The following GSK3A variants were observed in gnomAD, a reference collection of about 807,000 sequenced individuals.
The protein encoded by GSK3A is glycogen synthase kinase-3 alpha.
Under a neutral mutation model 56.6 loss-of-function variants are expected in GSK3A, and 14 were observed. The observed-to-expected ratio is 0.25, with a 90% CI of 0.16 to 0.39. GSK3A has a LOEUF of 0.39. Among genes scored for constraint, GSK3A ranks in the 10% least tolerant of loss-of-function variants. The probability of loss-of-function intolerance (pLI) is 1.00; values close to 1 mark genes in which losing one functional copy is unlikely to be tolerated. For synonymous variants in GSK3A, 301 were observed against 285.0 expected (o/e 1.06, Z -0.56); for missense variants, 450 against 656.0 (o/e 0.69, Z 3.43).
At chr19:42,240,321 C>G (rs1396433398) in intron 1 of GSK3A, 179 bp from the exon 2 acceptor site, 4 of 621,426 alleles carry the variant, frequency 6.4e-6, no homozygotes, top group Non-Finnish European at 8.7e-6. Context: ...TCCCCTCTTC[C>G]TTTCTGGGAA....
At position 42,234,788 on chromosome 19, in the gene GSK3A, C is replaced by T. The variant is rs1320152602; in HGVS notation, c.667-110G>A. 1.7e-6 allele frequency: 2 copies of T among 1,171,362 alleles called. No homozygotes were observed. Among genetic ancestry groups the T allele is most frequent in the Non-Finnish European group, 1.2e-6 (1 of 859,190 alleles). 72.6% of individuals were successfully genotyped at this position (1,171,362 alleles called of 1,614,324 possible). A position where few individuals can be genotyped will look rare whatever the true frequency, so the allele number is the denominator to read the frequency against. ...TTCCAGGCCCACTCTCCCTGCTGCC[C>T]CCACAGCTTTGGGGAAACCCATTTG... On this transcript the variant is annotated intron_variant, in intron 4 of 10. Transcript: ENST00000222330. The surrounding 1 kb of genome is among the most constrained non-coding windows in gnomAD (Gnocchi z 5.7).
In GSK3A at chr19:42,233,123, T is replaced by A. The variant is rs779531784; in HGVS notation, c.1085A>T (p.His362Leu). Residue 362 changes from histidine to leucine, a missense_variant, in exon 8 of 11, where the codon CAC (histidine) becomes CTC (leucine). By Grantham distance (99) the His-to-Leu change is moderately conservative. Coordinates refer to ENST00000222330, the MANE Select transcript of GSK3A (RefSeq NM_019884.3). The stretch of plus-strand genomic sequence containing the variant: ...GCCCTGCCCCACCTTTGTCCAGGGG[T>A]GAGCTTTAATCTGAGGGAACTTGAA... ...TEFKFPQIKA[H>L]PWTKVFKSRT... The A allele has an allele frequency of 1.3e-6, 2 of 1,594,700 alleles. No homozygotes were observed. Among genetic ancestry groups the A allele is most frequent in the Admixed American group, 3.4e-5 (2 of 58,716 alleles).
At position 42,232,755 on chromosome 19, in the gene GSK3A, A is replaced by G. The variant is rs1248493626; in HGVS notation, c.1099-73T>C. The G allele has an allele frequency of 4.7e-6, 6 of 1,267,744 alleles. No homozygotes were observed. In the East Asian group the frequency reaches 7.2e-5, roughly 15 times the overall value. 78.5% of individuals were successfully genotyped at this position (1,267,744 alleles called of 1,614,324 possible). A position where few individuals can be genotyped will look rare whatever the true frequency, so the allele number is the denominator to read the frequency against. ...GGCATACTCCTGTTATCTCACTGCC[A>G]CAGTGCCTGCGGCAAGTTATGACTG... is the stretch of plus-strand genomic sequence containing the variant. On this transcript the variant is annotated intron_variant, in intron 8 of 10. Transcript: ENST00000222330.
Position 42,242,566 on chromosome 19 carries a change from C to G in GSK3A, c.-101G>C, listed in dbSNP as rs1343302660. ...CCCCGGGCCCTGGCCTCTTCCAGGC[C>G]GCGCCGCTCTGGCTTGGGCTCCGGC... On this transcript the variant is annotated 5_prime_UTR_variant, in exon 1 of 11. Coordinates refer to ENST00000222330, the MANE Select transcript of GSK3A (RefSeq NM_019884.3). 5.8e-5 allele frequency: 54 copies of G among 931,864 alleles called. No homozygotes were observed. The highest frequency in any genetic ancestry group is 2.7e-6 in the Non-Finnish European group (2 of 753,020). The allele number at this position is 931,864 out of a possible 1,614,324, so 57.7% of individuals were successfully genotyped here. A position where few individuals can be genotyped will look rare whatever the true frequency, so the allele number is the denominator to read the frequency against.
chr19:42,236,961 T>A lies in GSK3A; in HGVS notation c.472-20A>T. Reference sequence around the variant, plus strand: ...TCGGTTCTTGAGGGCAAAGGGAGAGTCTCAGAATACAACCAACTCTCTCGG... The same window carrying A: ...TCGGTTCTTGAGGGCAAAGGGAGAGACTCAGAATACAACCAACTCTCTCGG... On this transcript the variant is annotated intron_variant, in intron 2 of 10. Transcript: ENST00000222330. The A allele has an allele frequency of 6.5e-7, 1 of 1,549,972 alleles. No homozygotes were observed. Among genetic ancestry groups the A allele is most frequent in the Non-Finnish European group, 8.9e-7 (1 of 1,122,718 alleles).
intron 3 of GSK3A, 45 bp from the exon 4 acceptor site, chr19:42,236,761 A>G: frequency 6.6e-7 from 1 of 1,521,818 alleles, no homozygotes; most frequent in African/African-American, 1.4e-5. Flanking sequence ...GAGAAGAGTG[A>G]GGAGGGGGAA....
At chr19:42,239,086 G>A (rs999942571) in intron 2 of GSK3A, among the ~76,000 whole-genome samples, 7 of 152,128 alleles carry the variant, frequency 4.6e-5, no homozygotes, top group Non-Finnish European at 8.8e-5. Context: ...CTGGGTCCTC[G>A]AACTCTATCT....
intron 4 of GSK3A, among the ~76,000 whole-genome samples, chr19:42,235,673 C>A (rs911748869): frequency 3.3e-5 from 5 of 152,306 alleles, no homozygotes; most frequent in African/African-American, 1.2e-4. Flanking sequence ...TCCTCCATTT[C>A]CAGAATTCCC....
At position 42,234,727 on chromosome 19, in the gene GSK3A, A is replaced by G; in HGVS notation, c.667-49T>C. The G allele has an allele frequency of 6.7e-7, 1 of 1,493,852 alleles. No individual in the cohort carries two copies. The highest frequency in any genetic ancestry group is 9.0e-7 in the Non-Finnish European group (1 of 1,114,558). The allele number at this position is 1,493,852 out of a possible 1,614,324, so 92.5% of individuals were successfully genotyped here. A position where few individuals can be genotyped will look rare whatever the true frequency, so the allele number is the denominator to read the frequency against. ...AACTTTAGCCCAGCTTTCCCCATAC[A>G]GCACCACTACCCCACCAGCTTGGCC... On this transcript the variant is annotated intron_variant, in intron 4 of 10. Transcript: ENST00000222330. This position sits in a 1 kb window ranked among gnomAD's most constrained non-coding sequence, Gnocchi z 5.7.
intron 10 of GSK3A, among the ~76,000 whole-genome samples, chr19:42,231,099 C>T (rs953507766): frequency 2.0e-5 from 3 of 152,304 alleles, no homozygotes; most frequent in Non-Finnish European, 4.4e-5. Flanking sequence ...CAGTGGCTCA[C>T]GCCTGTAATC....
intron 1 of GSK3A, chr19:42,241,429 C>T (rs2036291352): frequency 6.6e-6 from 1 of 152,142 alleles, no homozygotes; most frequent in Non-Finnish European, 1.5e-5. Flanking sequence ...GATCCATATT[C>T]TGTAGGAAAC....
At chr19:42,235,406 C>G (rs1481931082) in intron 4 of GSK3A, among the ~76,000 whole-genome samples, 1 of 152,192 alleles carries the variant, frequency 6.6e-6, no homozygotes, top group African/African-American at 2.4e-5. Flanking sequence ...AGCCTGCCCC[C>G]TCTCCAGCTC....
At chr19:42,239,173 C>A (rs1386297273) in intron 2 of GSK3A, among the ~76,000 whole-genome samples, 2 of 152,156 alleles carry the variant, frequency 1.3e-5, no homozygotes, top group Non-Finnish European at 2.9e-5. Context: ...ATTCTCTATT[C>A]CTCAGTGAGG....
intron 4 of GSK3A, among the ~76,000 whole-genome samples, chr19:42,235,838 G>A (rs748342363): frequency 1.1e-4 from 17 of 152,178 alleles, no homozygotes; most frequent in African/African-American, 2.4e-4. Flanking sequence ...CCGTATGCAG[G>A]CAGCCACAGG....
At chr19:42,231,830 C>G (rs1433637857) in intron 10 of GSK3A, among the ~76,000 whole-genome samples, 1 of 151,968 alleles carries the variant, frequency 6.6e-6, no homozygotes, top group African/African-American at 2.4e-5. Flanking sequence ...GTGTTCAGGC[C>G]AGACGTTATT....
chr19:42,240,056 C>G lies in GSK3A; in HGVS notation c.370G>C (p.Val124Leu). 6.2e-7 allele frequency: 1 copy of G among 1,614,196 alleles called. No individual in the cohort carries two copies. The change falls in exon 2 of 11, where the codon GTG (valine) becomes CTG (leucine). Residue 124 changes from valine to leucine, a missense_variant. Val to Leu is a conservative substitution (Grantham distance 32). Transcript: ENST00000222330. Reference protein sequence around the residue: ...SQEVAYTDIKVIGNGSFGVVY... With the variant: ...SQEVAYTDIKLIGNGSFGVVY... ...ACCCCAAATGAGCCATTGCCAATCA[C>G]TTTGATGTCCGTGTAAGCCACTTCT...
At position 42,236,729 on chromosome 19, in the gene GSK3A, A is replaced by T; in HGVS notation, c.556-13T>A. ...AAAGCTCGTCTTTCTGCAGGGAGCA[A>T]AGGAGAGGTGTGAGGCACTGTGAGA... On this transcript the variant is annotated splice_polypyrimidine_tract_variant and intron_variant, in intron 3 of 10. Transcript: ENST00000222330. 6.3e-7 allele frequency: 1 copy of T among 1,594,838 alleles called. No homozygotes were observed. Among genetic ancestry groups the T allele is most frequent in the Non-Finnish European group, 8.6e-7 (1 of 1,162,478 alleles).
chr19:42,236,215 C>T (rs1383046908), intron 4 of GSK3A, among the ~76,000 whole-genome samples: 2 of 152,196 alleles, frequency 1.3e-5, no homozygotes, highest in Non-Finnish European at 2.9e-5. Context: ...AACTCCTTCC[C>T]ACCTACCCCC....
rs2036217278 is a variant in GSK3A, at chr19:42,230,639, G to T, written c.*155C>A. On this transcript the variant is annotated 3_prime_UTR_variant, in exon 11 of 11. Transcript: ENST00000222330. ...AAAGCCCACCACAGGGGTGAGGCTG[G>T]TGAGGGAGGGACTGGAGGTGGGGAC... 1 of 643,414 alleles carries T rather than the reference G, an allele frequency of 1.6e-6. No homozygotes were observed. The highest frequency in any genetic ancestry group is 2.8e-6 in the Non-Finnish European group (1 of 352,110). The allele number at this position is 643,414 out of a possible 1,614,324, so 39.9% of individuals were successfully genotyped here.
Sources: allele counts gnomAD v4.1 joint callset (sites outside exome capture counted in the v4.1 genomes callset), GRCh38; gene constraint gnomAD v4.1.1; non-coding constraint Gnocchi (gnomAD v3.1); transcripts MANE v1.5; gene names NCBI Gene and HGNC (gene_info 2026-07-23, HGNC 2026-07-21).